ZNF484: variants seen among roughly 807,000 people sequenced by gnomAD.
ZNF484 encodes the protein zinc finger protein 484, also known as KRAB box containing C2H2 type zinc finger bA526D8.4.
A neutral mutation model predicts 12.9 loss-of-function variants in ZNF484; 11 were observed. That is an observed-to-expected ratio of 0.85 (90% CI 0.54 to 1.41). The LOEUF is 1.41. ZNF484 is among the 40% of genes most tolerant of loss of function. ZNF484 has a pLI of 0.00. For missense variants in ZNF484, 807 were observed against 1,007.7 expected (o/e 0.80, Z 2.70); for synonymous variants, 289 against 334.1 (o/e 0.86, Z 1.47).
chr9:92,868,489 T>C (rs1300388852), intron 2 of ZNF484, among the ~76,000 whole-genome samples: 1 of 152,214 alleles, frequency 6.6e-6, no homozygotes, highest in Non-Finnish European at 1.5e-5. Flanking sequence ...CTGTCTTTGT[T>C]TACTGTTACT....
chr9:92,874,380 C>T (rs1857661088), intron 2 of ZNF484, among the ~76,000 whole-genome samples: 1 of 150,658 alleles, frequency 6.6e-6, no homozygotes. Flanking sequence ...GGCGCAATCT[C>T]GGCTTACTGC....
Position 92,878,015 on chromosome 9 carries a change from A to G in ZNF484, c.-156T>C. ...CCTCCCAGGCCTAGAGGTACTTCTT[A>G]CAGCGCTGCCTGGGTTTGCGCATGC... is the stretch of plus-strand genomic sequence containing the variant. On this transcript the variant is annotated 5_prime_UTR_variant, in exon 1 of 5. Transcript: ENST00000375495. 5.7e-6 allele frequency: 4 copies of G among 701,180 alleles called. No homozygotes were observed. The South Asian group carries it at 7.6e-5, about 13-fold the overall frequency. The allele number at this position is 701,180 out of a possible 1,614,324, so 43.4% of individuals were successfully genotyped here.
At position 92,847,890 on chromosome 9, in the gene ZNF484, C is replaced by T. The variant is rs536418791; in HGVS notation, c.897G>A (p.Arg299=). ...ATTCAGTGCATATTCCTGCATAAAC[C>T]CTCTGACTGCCATCAAGCTGGGACT... The part of the protein sequence containing the change: ...TQKSQLDGSQ[R]VYAGICTEYE... The change falls in exon 5 of 5, where the codon AGG becomes AGA. Residue 299 remains arginine, a synonymous_variant. Coordinates refer to ENST00000375495, the MANE Select transcript of ZNF484 (RefSeq NM_031486.4). The T allele has an allele frequency of 1.0e-4, 164 of 1,614,024 alleles. 3 individuals carry two copies. In the South Asian group the frequency reaches 1.7e-3, roughly 17 times the overall value.
intron 2 of ZNF484, among the ~76,000 whole-genome samples, chr9:92,871,834 A>G (rs532400124): frequency 6.6e-6 from 1 of 152,382 alleles, no homozygotes; most frequent in East Asian, 1.9e-4. Context: ...TTCAGGTTTC[A>G]GATCAAATCT....
At position 92,848,388 on chromosome 9, in the gene ZNF484, G is replaced by T. The variant is rs143919816; in HGVS notation, c.399C>A (p.Asn133Lys). ...TGAAGACAACACGACTTAAAGGTTT[G>T]TTCTGGTTTTCTCCACATTTTCTTG... is the stretch of plus-strand genomic sequence containing the variant. ...EHTRKCGENQ[N>K]KPLSRVVFIN... Residue 133 changes from asparagine to lysine, a missense_variant, in exon 5 of 5, where the codon AAC (asparagine) becomes AAA (lysine). Asn to Lys is a moderately conservative substitution (Grantham distance 94, BLOSUM62 0). Transcript: ENST00000375495. The surrounding 1 kb of genome is among the most constrained non-coding windows in gnomAD (Gnocchi z 4.1). 1.7e-4 allele frequency: 267 copies of T among 1,614,066 alleles called. No homozygotes were observed. Among genetic ancestry groups the T allele is most frequent in the Middle Eastern group, 1.3e-3 (8 of 6,062 alleles).
rs1856394427 is a variant in ZNF484, at chr9:92,855,730, T to C, written c.235+81A>G. ...GTCATTATTAATGACACATCAAAGT[T>C]GGGCAAAGTTGGGCACAGCTTCTCC... On this transcript the variant is annotated intron_variant, in intron 4 of 4. Transcript: ENST00000375495. 5 of 1,304,508 alleles carry C rather than the reference T, an allele frequency of 3.8e-6. 1 individual carries two copies. The African/African-American group carries it at 5.9e-5, about 15-fold the overall frequency. 80.8% of individuals were successfully genotyped at this position (1,304,508 alleles called of 1,614,324 possible).
Position 92,847,456 on chromosome 9 carries a change from T to A in ZNF484, c.1331A>T (p.Asp444Val), listed in dbSNP as rs1359430324. Residue 444 changes from aspartate to valine, a missense_variant, in exon 5 of 5, where the codon GAC becomes GTC. Asp to Val is a radical substitution (Grantham distance 152). Coordinates refer to ENST00000375495, the MANE Select transcript of ZNF484 (RefSeq NM_031486.4). ...TTTTTTAATAAAGGATTTCCCACAGTCACTGCATTCATAGGGTTTTTCTCC... is the reference window on the plus strand; with the variant it reads ...TTTTTTAATAAAGGATTTCCCACAGACACTGCATTCATAGGGTTTTTCTCC... Reference protein sequence around the residue: ...HTGEKPYECSDCGKSFIKKSQ... With the variant: ...HTGEKPYECSVCGKSFIKKSQ... 6.2e-7 allele frequency: 1 copy of A among 1,612,930 alleles called. No individual in the cohort carries two copies. Among genetic ancestry groups the A allele is most frequent in the South Asian group, 1.1e-5 (1 of 90,734 alleles).
chr9:92,851,315 T>A (rs1302106538), intron 4 of ZNF484, among the ~76,000 whole-genome samples: 1 of 152,236 alleles, frequency 6.6e-6, no homozygotes, highest in African/African-American at 2.4e-5. Flanking sequence ...AAGCTAACAA[T>A]GTATTTTACA....
intron 2 of ZNF484, among the ~76,000 whole-genome samples, chr9:92,860,619 A>C (rs1856728381): frequency 6.7e-6 from 1 of 148,196 alleles, no homozygotes; most frequent in African/African-American, 2.5e-5. Flanking sequence ...AAAAAAAAAA[A>C]CAACAAAACA....
rs777656463 is a variant in ZNF484, at chr9:92,848,469, G to A, written c.318C>T (p.Phe106=). 6.2e-7 allele frequency: 1 copy of A among 1,613,496 alleles called. No homozygotes were observed. Among genetic ancestry groups the A allele is most frequent in the South Asian group, 1.1e-5 (1 of 91,028 alleles). The change falls in exon 5 of 5, where the codon TTC becomes TTT. Residue 106 remains phenylalanine (F), a synonymous_variant. Coordinates refer to ENST00000375495, the MANE Select transcript of ZNF484 (RefSeq NM_031486.4). The surrounding 1 kb of genome is among the most constrained non-coding windows in gnomAD (Gnocchi z 4.1). ...SFQSEININL[F]TRDDPYSILE... Reference sequence around the variant, plus strand: ...AAATGGAATATGGGTCATCTCTTGTGAAGAGATTAATATTAATCTCAGACT... The same window carrying A: ...AAATGGAATATGGGTCATCTCTTGTAAAGAGATTAATATTAATCTCAGACT...
chr9:92,851,631 T>C (rs1856090252), intron 4 of ZNF484, among the ~76,000 whole-genome samples: 1 of 152,198 alleles, frequency 6.6e-6, no homozygotes, highest in South Asian at 2.1e-4. Flanking sequence ...GGAAACAGAG[T>C]TGCCCGGTGT....
intron 4 of ZNF484, among the ~76,000 whole-genome samples, chr9:92,850,709 G>A (rs988592534): frequency 2.0e-5 from 3 of 152,120 alleles, no homozygotes; most frequent in Admixed American, 2.0e-4. Flanking sequence ...TTAGCCACAT[G>A]AGCAGGTGGG....
chr9:92,861,347 A>G (rs1231979344), intron 2 of ZNF484, among the ~76,000 whole-genome samples: 2 of 152,234 alleles, frequency 1.3e-5, no homozygotes, highest in Non-Finnish European at 2.9e-5. Context: ...AGATGTTGGA[A>G]TTATTTGACA....
intron 1 of ZNF484, among the ~76,000 whole-genome samples, chr9:92,876,827 CAAGTAGATCAAAATTA>C (rs1857846182): frequency 6.6e-6 from 1 of 152,028 alleles, no homozygotes; most frequent in African/African-American, 2.4e-5. Context: ...GAATATGAAA[CAAGTAGATCAAAATTA>C]GGAAAGATAA....
intron 2 of ZNF484, among the ~76,000 whole-genome samples, chr9:92,868,330 G>A (rs186261570): frequency 6.6e-6 from 1 of 152,310 alleles, no homozygotes; most frequent in East Asian, 1.9e-4. Context: ...TCTTTAAAGA[G>A]CTGAAATGAA....
chr9:92,855,923 GAGGAC>G lies in ZNF484; in HGVS notation c.143-25_143-21del, dbSNP rs1564105839. The stretch of plus-strand genomic sequence containing the variant: ...GACATCCTGTTAACAGGGGATGATA[GAGGAC>G]TTGATTTCAGAGGCCATACAATGAA... On this transcript the variant is annotated intron_variant, in intron 3 of 4. Coordinates refer to ENST00000375495, the MANE Select transcript of ZNF484 (RefSeq NM_031486.4). 1.2e-6 allele frequency: 2 copies of G among 1,612,190 alleles called. No homozygotes were observed. The highest frequency in any genetic ancestry group is 1.1e-5 in the South Asian group (1 of 90,726).
chr9:92,865,592 G>C (rs966367149), intron 2 of ZNF484, among the ~76,000 whole-genome samples: 1 of 152,136 alleles, frequency 6.6e-6, no homozygotes, highest in African/African-American at 2.4e-5. Context: ...ACTTTGCAAA[G>C]CTGTATGACA....
At chr9:92,856,010 C>T in intron 3 of ZNF484, 107 bp from the exon 4 acceptor site, 1 of 1,406,900 alleles carries the variant, frequency 7.1e-7, no homozygotes, top group Non-Finnish European at 9.8e-7. Flanking sequence ...TTCACACTAC[C>T]CGAAAGAGAT....
At position 92,876,114 on chromosome 9, in the gene ZNF484, A is replaced by T. The variant is rs191062979; in HGVS notation, c.-30-1055T>A. Among the ~76,000 whole-genome samples the T allele has an allele frequency of 2.0e-5, 3 of 152,306 alleles. No homozygotes were observed. In the East Asian group the frequency reaches 5.8e-4, roughly 29 times the overall value. ...CTTGAATAGGAAAATATTGTTTAGCAATAATTCTTGCAAAAGATATATAAT... is the reference window on the plus strand; with the variant it reads ...CTTGAATAGGAAAATATTGTTTAGCTATAATTCTTGCAAAAGATATATAAT... On this transcript the variant is annotated intron_variant, in intron 1 of 4. Coordinates refer to ENST00000375495, the MANE Select transcript of ZNF484 (RefSeq NM_031486.4).
Sources: gnomAD v4.1 joint callset for allele counts (sites outside exome capture counted in the v4.1 genomes callset) on GRCh38, gnomAD v4.1.1 for gene constraint, Gnocchi (gnomAD v3.1) non-coding constraint, MANE v1.5 for transcripts, NCBI Gene and HGNC (gene_info 2026-07-23, HGNC 2026-07-21) for gene names.